TMEM266: variants seen among roughly 807,000 people sequenced by gnomAD.
The protein encoded by TMEM266 is transmembrane protein 266, also known as Hv1 related protein 1.
TMEM266 carries 33 observed loss-of-function variants against 50.5 expected under a neutral mutation model. The ratio of observed to expected loss-of-function variants is 0.65; its 90% CI spans 0.50 to 0.87. TMEM266 has a LOEUF of 0.87. Ranked by LOEUF, TMEM266 falls within the 40% of genes least tolerant of loss-of-function variation. The probability of loss-of-function intolerance (pLI) is 0.00; values close to 1 mark genes in which losing one functional copy is unlikely to be tolerated. For synonymous variants in TMEM266, 310 were observed against 292.3 expected, an observed-to-expected ratio of 1.06 and a Z score of -0.62; for missense variants, 655 against 695.1, an observed-to-expected ratio of 0.94 and a Z score of 0.65.
intron 5 of TMEM266, among the ~76,000 whole-genome samples, chr15:76,165,588 G>A (rs539302393): frequency 6.6e-6 from 1 of 152,324 alleles, no homozygotes; most frequent in South Asian, 2.1e-4. Flanking sequence ...AACTTTTAGG[G>A]GCCAGTATTG....
At chr15:76,108,263 T>C (rs1428244903) in intron 1 of TMEM266, among the ~76,000 whole-genome samples, 3 of 152,316 alleles carry the variant, frequency 2.0e-5, no homozygotes, top group African/African-American at 7.2e-5. Context: ...ATGCCTGGCA[T>C]TGGAGCCTGG....
At chr15:76,094,600 C>T (rs1384214082) in intron 1 of TMEM266, among the ~76,000 whole-genome samples, 2 of 152,026 alleles carry the variant, frequency 1.3e-5, no homozygotes, top group African/African-American at 4.8e-5. Context: ...GCTATGCAGG[C>T]TCTTTTTTGG....
intron 1 of TMEM266, among the ~76,000 whole-genome samples, chr15:76,080,313 C>T (rs2036670352): frequency 8.2e-3 from 1 of 122 alleles, no homozygotes; most frequent in Non-Finnish European, 0.017. Flanking sequence ...GATGCAGTGG[C>T]ACGATCTTGG....
chr15:76,098,880 G>C (rs1055376825), intron 1 of TMEM266, among the ~76,000 whole-genome samples: 1 of 152,114 alleles, frequency 6.6e-6, no homozygotes, highest in African/African-American at 2.4e-5. Flanking sequence ...CACTGTGAGC[G>C]TGAAACTGCC....
chr15:76,079,751 G>A (rs116503954), intron 1 of TMEM266, among the ~76,000 whole-genome samples: 2,328 of 131,888 alleles, frequency 0.018, 62 homozygotes, highest in African/African-American at 0.058. Flanking sequence ...TCCAGCCTAG[G>A]ACAGAGCGAG....
intron 8 of TMEM266, among the ~76,000 whole-genome samples, chr15:76,178,962 G>A (rs2038347920): frequency 6.6e-6 from 1 of 152,202 alleles, no homozygotes; most frequent in Non-Finnish European, 1.5e-5. Context: ...AGTCTGTGGT[G>A]CCCACTCCAC....
Position 76,077,454 on chromosome 15 carries a change from C to T in TMEM266, c.-97+17438C>T, listed in dbSNP as rs1025384251. ...GTGGTGTGGTAAGTCAAAAGCTGGT[C>T]CTGTACAAGATATCCACACAAATAC... is the stretch of plus-strand genomic sequence containing the variant. On this transcript the variant is annotated intron_variant, in intron 1 of 10. Coordinates refer to ENST00000388942, the MANE Select transcript of TMEM266 (RefSeq NM_152335.3). Among the ~76,000 whole-genome samples, 30 of 152,128 alleles carry T rather than the reference C, an allele frequency of 2.0e-4. 2 individuals are homozygous for T. The highest frequency in any genetic ancestry group is 7.2e-4 in the African/African-American group (30 of 41,432).
chr15:76,119,694 G>C (rs2037311113), intron 1 of TMEM266, among the ~76,000 whole-genome samples: 1 of 152,114 alleles, frequency 6.6e-6, no homozygotes, highest in African/African-American at 2.4e-5. Context: ...TTGAACCCAG[G>C]AGGTGGAGGC....
chr15:76,115,949 C>T (rs2037239972), intron 1 of TMEM266, among the ~76,000 whole-genome samples: 1 of 152,022 alleles, frequency 6.6e-6, no homozygotes, highest in Non-Finnish European at 1.5e-5. Flanking sequence ...TGGAGCAGTG[C>T]TCAGCAGATG....
chr15:76,066,975 C>T (rs1193724292), intron 1 of TMEM266, among the ~76,000 whole-genome samples: 5 of 152,112 alleles, frequency 3.3e-5, no homozygotes, highest in Admixed American at 2.0e-4. Context: ...GGTACTACCG[C>T]GATTACCCCC....
chr15:76,195,023 G>A (rs1190836728), intron 9 of TMEM266, among the ~76,000 whole-genome samples: 1 of 152,106 alleles, frequency 6.6e-6, no homozygotes, highest in Non-Finnish European at 1.5e-5. Flanking sequence ...CATTCTAGAG[G>A]AATGGAACAA....
rs113067381 is a variant in TMEM266, at chr15:76,117,818, T to C, written c.-96-16350T>C. Among the ~76,000 whole-genome samples, 639 of 152,258 alleles carry C rather than the reference T, an allele frequency of 4.2e-3. 4 individuals carry two copies. Among genetic ancestry groups the C allele is most frequent in the African/African-American group, 0.015 (613 of 41,542 alleles). On this transcript the variant is annotated intron_variant, in intron 1 of 10. Transcript: ENST00000388942. ...GTTTGTAAAATTAAAGAGAACTTGATTGTGGTCCTTGAAGGAGGGACATGA... is the reference window on the plus strand; with the variant it reads ...GTTTGTAAAATTAAAGAGAACTTGACTGTGGTCCTTGAAGGAGGGACATGA...
chr15:76,203,777 C>G lies in TMEM266; in HGVS notation c.1058C>G (p.Thr353Ser), dbSNP rs1405873500. The G allele has an allele frequency of 1.2e-6, 2 of 1,614,026 alleles. No individual in the cohort carries two copies. Among genetic ancestry groups the G allele is most frequent in the African/African-American group, 1.3e-5 (1 of 74,930 alleles). The change falls in exon 11 of 11, where the codon ACC becomes AGC. Residue 353 changes from threonine to serine, a missense_variant. This residue lies in a region of TMEM266 where 455 missense variants were observed against 401.8 expected (regional missense o/e 1.13). Coordinates refer to ENST00000388942, the MANE Select transcript of TMEM266 (RefSeq NM_152335.3). ...CCAGAGCCAGCTGTGTGTATGGTCA[C>G]CACGGCCGCAATAGACATTCACCAG...
chr15:76,143,645 C>T (rs1172437220), intron 3 of TMEM266, among the ~76,000 whole-genome samples: 2 of 152,206 alleles, frequency 1.3e-5, no homozygotes, highest in Non-Finnish European at 2.9e-5. Flanking sequence ...CATGAGCCAC[C>T]GTGCCCAGCC....
At chr15:76,067,779 G>C (rs754416318) in intron 1 of TMEM266, among the ~76,000 whole-genome samples, 2 of 149,984 alleles carry the variant, frequency 1.3e-5, no homozygotes, top group Non-Finnish European at 3.0e-5. Context: ...ATTTTTTTGT[G>C]GGGGGCATTG....
At chr15:76,123,025 TTGAC>T (rs773113505) in intron 1 of TMEM266, among the ~76,000 whole-genome samples, 1 of 151,922 alleles carries the variant, frequency 6.6e-6, no homozygotes, top group Non-Finnish European at 1.5e-5. Context: ...CCAGTAGTAA[TTGAC>T]AGACTACATC....
chr15:76,151,447 G>GCC (rs1217461227), intron 3 of TMEM266, among the ~76,000 whole-genome samples: 2 of 151,950 alleles, frequency 1.3e-5, no homozygotes, highest in Admixed American at 6.5e-5. Context: ...CAGCCTCCCA[G>GCC]CCCCCAACCC....
intron 1 of TMEM266, among the ~76,000 whole-genome samples, chr15:76,090,356 G>A (rs975585055): frequency 5.9e-5 from 9 of 151,956 alleles, no homozygotes; most frequent in South Asian, 2.1e-4. Flanking sequence ...GCCAGGCATG[G>A]TGGTGCACAC....
At chr15:76,142,186 C>G (rs2037689849) in intron 3 of TMEM266, among the ~76,000 whole-genome samples, 1 of 152,168 alleles carries the variant, frequency 6.6e-6, no homozygotes, top group Non-Finnish European at 1.5e-5. Context: ...GTCAGCAGTT[C>G]AAGAGCAGCC....
Sources: gnomAD v4.1 joint callset for allele counts (sites outside exome capture counted in the v4.1 genomes callset) on GRCh38, gnomAD v4.1.1 for gene constraint, gnomAD v4.1.1 regional missense constraint, MANE v1.5 for transcripts, NCBI Gene and HGNC (gene_info 2026-07-23, HGNC 2026-07-21) for gene names.